The following RBBP6 variants were observed in gnomAD, a reference collection of about 807,000 sequenced individuals.
The protein encoded by RBBP6 is E3 ubiquitin-protein ligase RBBP6.
In RBBP6, 25 loss-of-function variants were observed where a neutral mutation model predicts 167.7. That is an observed-to-expected ratio of 0.15 (90% confidence interval 0.11 to 0.21). The LOEUF (loss-of-function observed/expected upper bound fraction) is 0.21. Among genes scored for constraint, RBBP6 ranks in the 10% least tolerant of loss-of-function variants. The pLI, the probability that RBBP6 is intolerant of heterozygous loss-of-function variation, is 1.00. For missense variants in RBBP6, 1,868 were observed against 2,134.2 expected (o/e 0.88, Z 2.46); for synonymous variants, 789 against 735.8 (o/e 1.07, Z -1.17).
At chr16:24,557,823 G>A (rs1374431343) in intron 7 of RBBP6, among the ~76,000 whole-genome samples, 1 of 152,124 alleles carries the variant, frequency 6.6e-6, no homozygotes, top group East Asian at 1.9e-4. Flanking sequence ...GGATGATGAT[G>A]AAAATAGCTA....
Position 24,555,841 on chromosome 16 carries a change from G to A in RBBP6, c.458G>A (p.Gly153Asp). Residue 153 changes from glycine (G) to aspartate (D), a missense_variant, in exon 6 of 18, where the codon GGT becomes GAT. By Grantham distance (94) the Gly-to-Asp change is moderately conservative. Coordinates refer to ENST00000319715, the MANE Select transcript of RBBP6 (RefSeq NM_006910.5). Reference sequence around the variant, plus strand: ...TTTAGTTACATGAAGAAACCTCTAGGTCCACCACCTCCATCTTACACGTGT... The same window carrying A: ...TTTAGTTACATGAAGAAACCTCTAGATCCACCACCTCCATCTTACACGTGT... ...DPINYMKKPL[G>D]PPPPSYTCFR... 1.2e-6 allele frequency: 2 copies of A among 1,609,612 alleles called. No homozygotes were observed. Among genetic ancestry groups the A allele is most frequent in the East Asian group, 2.2e-5 (1 of 44,784 alleles).
At chr16:24,561,548 T>C in intron 8 of RBBP6, 64 bp from the exon 9 acceptor site, 2 of 1,343,068 alleles carry the variant, frequency 1.5e-6, no homozygotes, top group African/African-American at 1.5e-5. Flanking sequence ...ATCCTTTTAA[T>C]TCATTTCGTA....
rs973368402 is a variant in RBBP6, at chr16:24,569,133, A to T, written c.2443A>T (p.Ser815Cys). 1.2e-6 allele frequency: 2 copies of T among 1,612,700 alleles called. No individual in the cohort carries two copies. The highest frequency in any genetic ancestry group is 1.7e-6 in the Non-Finnish European group (2 of 1,179,656). The change falls in exon 17 of 18, where the codon AGT (serine) becomes TGT (cysteine). Residue 815 changes from serine (S) to cysteine (C), a missense_variant. By Grantham distance (112) the Ser-to-Cys change is moderately radical. Coordinates refer to ENST00000319715, the MANE Select transcript of RBBP6 (RefSeq NM_006910.5). ...TGACATGAAAGCATATTATGGGAGA[A>T]GTGTTGACTTTAGAGACCCATTTGA... ...PYDMKAYYGR[S>C]VDFRDPFEKE...
At chr16:24,558,369 T>G in intron 7 of RBBP6, 3 of 625,878 alleles carry the variant, frequency 4.8e-6, no homozygotes, top group Non-Finnish European at 6.0e-6. Context: ...CTATCCTCTG[T>G]TCTCCTCTTT....
intron 8 of RBBP6, among the ~76,000 whole-genome samples, chr16:24,560,502 GT>G (rs1210334037): frequency 1.3e-5 from 2 of 152,190 alleles, no homozygotes; most frequent in Non-Finnish European, 2.9e-5. Flanking sequence ...CTTATCCTAA[GT>G]TTGTGCCTTC....
Position 24,556,454 on chromosome 16 carries a change from A to G in RBBP6, c.674+7A>G, listed in dbSNP as rs1898913075. ...CAATACCAACTATAGATGCGTAAGTATGCAAATTAGGTATGACCTGTGGAG... is the reference window on the plus strand; with the variant it reads ...CAATACCAACTATAGATGCGTAAGTGTGCAAATTAGGTATGACCTGTGGAG... On this transcript the variant is annotated splice_region_variant and intron_variant, in intron 7 of 17. Transcript: ENST00000319715. 6.2e-7 allele frequency: 1 copy of G among 1,611,524 alleles called. No individual in the cohort carries two copies. Among genetic ancestry groups the G allele is most frequent in the Non-Finnish European group, 8.5e-7 (1 of 1,178,850 alleles).
In RBBP6 at chr16:24,556,465, G is replaced by T. The variant is rs1239279050; in HGVS notation, c.674+18G>T. 3 of 1,608,506 alleles carry T rather than the reference G, an allele frequency of 1.9e-6. No individual in the cohort carries two copies. Among genetic ancestry groups the T allele is most frequent in the Non-Finnish European group, 1.7e-6 (2 of 1,177,442 alleles). Reference sequence around the variant, plus strand: ...ATAGATGCGTAAGTATGCAAATTAGGTATGACCTGTGGAGACTCCAGTCAG... The same window carrying T: ...ATAGATGCGTAAGTATGCAAATTAGTTATGACCTGTGGAGACTCCAGTCAG... On this transcript the variant is annotated intron_variant, in intron 7 of 17. Coordinates refer to ENST00000319715, the MANE Select transcript of RBBP6 (RefSeq NM_006910.5).
rs529943506 is a variant in RBBP6 at position 24,561,803 on chromosome 16, T to C, written c.952-21T>C. 2.5e-6 allele frequency: 4 copies of C among 1,607,362 alleles called. No homozygotes were observed. In the East Asian group the frequency reaches 6.7e-5, roughly 27 times the overall value. ...AATACTGCATAACATTTTTCTGCAT[T>C]ATTATGCTTGGTATCTGTAGGCTGT... On this transcript the variant is annotated intron_variant, in intron 9 of 17. Transcript: ENST00000319715.
intron 3 of RBBP6, among the ~76,000 whole-genome samples, chr16:24,551,830 T>C (rs1898803682): frequency 6.6e-6 from 1 of 151,820 alleles, no homozygotes; most frequent in South Asian, 2.1e-4. Context: ...GAATGTAGTA[T>C]AGATGATGGT....
intron 6 of RBBP6, 32 bp from the exon 7 acceptor site, chr16:24,556,276 T>G: frequency 6.7e-7 from 1 of 1,500,258 alleles, no homozygotes; most frequent in Non-Finnish European, 9.2e-7. Flanking sequence ...GCTTTTTCTC[T>G]TCCTCCTCCT....
chr16:24,563,274 T>G lies in RBBP6; in HGVS notation c.1365T>G (p.Ile455Met), dbSNP rs1185960158. The G allele has an allele frequency of 3.1e-6, 5 of 1,607,498 alleles. No individual in the cohort carries two copies. The African/African-American group carries it at 4.0e-5, about 13-fold the overall frequency. Residue 455 changes from isoleucine (I) to methionine (M), a missense_variant, in exon 11 of 18, where the codon ATT becomes ATG. This residue lies in a region of RBBP6 where 245 missense variants were observed against 240.1 expected (regional missense o/e 1.02). Transcript: ENST00000319715. The part of the protein sequence containing the change: ...EHSKGTSSIA[I>M]TALMEEKGYQ... Reference sequence around the variant, plus strand: ...CAAAGGGAACCTCCTCAATTGCAATTACCGCTCTTATGGAAGAGAAGGTAA... The same window carrying G: ...CAAAGGGAACCTCCTCAATTGCAATGACCGCTCTTATGGAAGAGAAGGTAA...
intron 16 of RBBP6, 102 bp downstream of exon 16, chr16:24,567,995 G>C (rs947052145): frequency 4.2e-6 from 4 of 958,368 alleles, no homozygotes; most frequent in Non-Finnish European, 4.8e-6. Flanking sequence ...GAATTTTTCT[G>C]ATTCGGTCTA....
chr16:24,549,809 G>A (rs60390697), intron 3 of RBBP6, among the ~76,000 whole-genome samples: 22,151 of 151,800 alleles, frequency 0.15, 1,842 homozygotes, highest in East Asian at 0.25. Context: ...AAAATGCTGC[G>A]TTAATTTTAG....
Position 24,569,901 on chromosome 16 carries a change from A to C in RBBP6, c.3211A>C (p.Asn1071His). ...KAKEETPKTD[N>H]TKSSSSSQKD... ...CAAAGAGGAGACTCCGAAGACTGAC[A>C]ATACTAAATCATCATCTTCCTCTCA... Residue 1071 changes from asparagine to histidine, a missense_variant, in exon 17 of 18, where the codon AAT (asparagine) becomes CAT (histidine). Physicochemically the swap from Asn to His is moderately conservative, Grantham distance 68. Around this residue, in one of 7 missense-constraint regions of RBBP6, gnomAD observed 673 missense variants for 691.5 expected, o/e 0.97. Coordinates refer to ENST00000319715, the MANE Select transcript of RBBP6 (RefSeq NM_006910.5). 1 of 1,610,992 alleles carries C rather than the reference A, an allele frequency of 6.2e-7. No individual in the cohort carries two copies. Among genetic ancestry groups the C allele is most frequent in the African/African-American group, 1.3e-5 (1 of 74,692 alleles).
chr16:24,546,069 C>A, intron 1 of RBBP6, 94 bp from the exon 2 acceptor site: 2 of 1,446,642 alleles, frequency 1.4e-6, no homozygotes, highest in Non-Finnish European at 1.8e-6. Context: ...TATTTAAAGT[C>A]ATTTCCCATG....
In RBBP6 at chr16:24,549,316, TTGTC is replaced by T. The variant is rs1353330695; in HGVS notation, c.303+341_303+344del. ...AGGAACATGATGACATGTTCTACAT[TTGTC>T]TGTCTATAGTTAGTATTTTGTATGT... is the stretch of plus-strand genomic sequence containing the variant. On this transcript the variant is annotated intron_variant, in intron 3 of 17. Coordinates refer to ENST00000319715, the MANE Select transcript of RBBP6 (RefSeq NM_006910.5). The T allele has an allele frequency of 4.4e-6, 5 of 1,135,456 alleles. No homozygotes were observed. The East Asian group carries it at 1.4e-4, about 31-fold the overall frequency. 70.3% of individuals were successfully genotyped at this position (1,135,456 alleles called of 1,614,324 possible).
rs1271503704 is a variant in RBBP6, at chr16:24,570,922, A to G, written c.3856A>G (p.Thr1286Ala). Reference protein sequence around the residue: ...GSPVRKSEEKTDTKRTVIKTM... With the variant: ...GSPVRKSEEKADTKRTVIKTM... ...TCCTGTGCGGAAATCTGAAGAAAAA[A>G]CAGATACAAAGCGAACTGTGATTAA... The change falls in exon 18 of 18, where the codon ACA becomes GCA. Residue 1286 changes from threonine (T) to alanine (A), a missense_variant. Coordinates refer to ENST00000319715, the MANE Select transcript of RBBP6 (RefSeq NM_006910.5). 6.3e-7 allele frequency: 1 copy of G among 1,588,622 alleles called. No individual in the cohort carries two copies. Among genetic ancestry groups the G allele is most frequent in the Non-Finnish European group, 8.6e-7 (1 of 1,161,946 alleles).
At chr16:24,543,693 T>G (rs1007784366) in intron 1 of RBBP6, among the ~76,000 whole-genome samples, 1 of 152,190 alleles carries the variant, frequency 6.6e-6, no homozygotes, top group African/African-American at 2.4e-5. Flanking sequence ...TAGACTGTAT[T>G]TCAAAATGAA....
At chr16:24,545,850 G>A (rs9939968) in intron 1 of RBBP6, among the ~76,000 whole-genome samples, 41,462 of 152,096 alleles carry the variant, frequency 0.27, 5,725 homozygotes, top group Admixed American at 0.34. Flanking sequence ...TCCGAATAAC[G>A]GCTTTTTCAC....
Sources: gnomAD v4.1 joint callset for allele counts (sites outside exome capture counted in the v4.1 genomes callset) on GRCh38, gnomAD v4.1.1 for gene constraint, gnomAD v4.1.1 regional missense constraint, MANE v1.5 for transcripts, NCBI Gene and HGNC (gene_info 2026-07-23, HGNC 2026-07-21) for gene names.